Variants in NCAPG observed in about 807,000 individuals in gnomAD.
The protein encoded by NCAPG is non-SMC condensin I complex subunit G.
In NCAPG, 69 loss-of-function variants were observed where a neutral mutation model predicts 113.1. That is an observed-to-expected ratio of 0.61 (90% CI 0.50 to 0.75). NCAPG has a LOEUF of 0.75. Among genes scored for constraint, NCAPG ranks in the 30% least tolerant of loss-of-function variants. NCAPG has a pLI of 0.00. For missense variants in NCAPG, 1,058 were observed against 1,177.0 expected (o/e 0.90, Z 1.48); for synonymous variants, 370 against 415.8 (o/e 0.89, Z 1.34).
chr4:17,842,374 T>C lies in NCAPG; in HGVS notation c.2919T>C (p.Ser973=). ...NRRCQTAEAD[S]ESDHEVPEPE... is the part of the protein sequence containing the mutation. ...GGTGTCAGACTGCTGAAGCCGACTCTGAAAGGTATGTCATGCATGTCTAGA... is the reference window on the plus strand; with the variant it reads ...GGTGTCAGACTGCTGAAGCCGACTCCGAAAGGTATGTCATGCATGTCTAGA... The change falls in exon 20 of 21, where the codon TCT becomes TCC. Residue 973 remains serine, a synonymous_variant. Coordinates refer to ENST00000251496, the MANE Select transcript of NCAPG (RefSeq NM_022346.5). 6.2e-7 allele frequency: 1 copy of C among 1,611,684 alleles called. No homozygotes were observed. The highest frequency in any genetic ancestry group is 2.2e-5 in the East Asian group (1 of 44,816).
In NCAPG at chr4:17,842,757, G is replaced by A. The variant is rs73802706; in HGVS notation, c.2924+378G>A. 8.1e-3 allele frequency: 1,406 copies of A among 174,490 alleles called. 24 individuals are homozygous for A. The highest frequency in any genetic ancestry group is 0.031 in the African/African-American group (1,293 of 41,706). 10.8% of individuals were successfully genotyped at this position (174,490 alleles called of 1,614,324 possible). A position where few individuals can be genotyped will look rare whatever the true frequency, so the allele number is the denominator to read the frequency against. ...TAATTTGGGTATATTGTGTGGTAGA[G>A]TGTTTTATTTTTGGCTTCTGTCAGT... On this transcript the variant is annotated intron_variant, in intron 20 of 20. Coordinates refer to ENST00000251496, the MANE Select transcript of NCAPG (RefSeq NM_022346.5).
At chr4:17,834,014 T>G (rs886869206) in intron 13 of NCAPG, among the ~76,000 whole-genome samples, 3 of 152,200 alleles carry the variant, frequency 2.0e-5, no homozygotes, top group African/African-American at 7.2e-5. Context: ...GAACAAATAA[T>G]ATAATTCAGC....
Position 17,843,356 on chromosome 4 carries a change from A to C in NCAPG, c.2979A>C (p.Arg993=). 6.2e-7 allele frequency: 1 copy of C among 1,612,288 alleles called. No homozygotes were observed. Among genetic ancestry groups the C allele is most frequent in the Non-Finnish European group, 8.5e-7 (1 of 1,178,496 alleles). The change falls in exon 21 of 21, where the codon CGA becomes CGC. Residue 993 remains arginine (R), a synonymous_variant. Coordinates refer to ENST00000251496, the MANE Select transcript of NCAPG (RefSeq NM_022346.5). The part of the protein sequence containing the change: ...ESEMKMRLPR[R]AKTAALEKSK... ...AAATGAAGATGAGACTACCAAGACGAGCCAAAACCGCAGCACTAGAAAAAA... is the reference window on the plus strand; with the variant it reads ...AAATGAAGATGAGACTACCAAGACGCGCCAAAACCGCAGCACTAGAAAAAA...
intron 12 of NCAPG, among the ~76,000 whole-genome samples, chr4:17,829,598 A>T (rs1008302398): frequency 6.6e-6 from 1 of 152,246 alleles, no homozygotes; most frequent in African/African-American, 2.4e-5. Context: ...AATGATCATA[A>T]TGATTTTAAA....
chr4:17,838,670 T>C (rs1722200622), intron 16 of NCAPG, among the ~76,000 whole-genome samples: 1 of 152,168 alleles, frequency 6.6e-6, no homozygotes, highest in African/African-American at 2.4e-5. Flanking sequence ...TGTAGAAAGA[T>C]GACTTTGGCT....
At chr4:17,840,283 T>C in intron 18 of NCAPG, 74 bp downstream of exon 18, 1 of 1,421,114 alleles carries the variant, frequency 7.0e-7, no homozygotes, top group Non-Finnish European at 9.3e-7. Flanking sequence ...CATATTTTTT[T>C]CTACTCTAAC....
chr4:17,840,133 A>C lies in NCAPG; in HGVS notation c.2691A>C (p.Gly897=). The C allele has an allele frequency of 6.2e-7, 1 of 1,612,382 alleles. No individual in the cohort carries two copies. Reference sequence around the variant, plus strand: ...AAATCAAGATTCAGTTAGAAAAAGGAAATAAAGAATTTGGTGACCAAGCTG... The same window carrying C: ...AAATCAAGATTCAGTTAGAAAAAGGCAATAAAGAATTTGGTGACCAAGCTG... The part of the protein sequence containing the change: ...LEKIKIQLEK[G]NKEFGDQAEA... Residue 897 remains glycine, a synonymous_variant, in exon 18 of 21, where the codon GGA becomes GGC. Coordinates refer to ENST00000251496, the MANE Select transcript of NCAPG (RefSeq NM_022346.5).
intron 11 of NCAPG, among the ~76,000 whole-genome samples, chr4:17,825,941 T>G (rs1020144058): frequency 6.6e-6 from 1 of 152,102 alleles, no homozygotes; most frequent in African/African-American, 2.4e-5. Flanking sequence ...CCTTTCTTTT[T>G]TATTGCTAGC....
intron 12 of NCAPG, among the ~76,000 whole-genome samples, chr4:17,828,994 GTAT>G (rs939347814): frequency 1.8e-4 from 27 of 149,468 alleles, no homozygotes; most frequent in African/African-American, 6.4e-4. Context: ...ATATCCAACT[GTAT>G]TATTTGGATA....
chr4:17,825,186 A>T lies in NCAPG; in HGVS notation c.1473+129A>T. The T allele has an allele frequency of 9.9e-6, 8 of 806,110 alleles. No individual in the cohort carries two copies. In the South Asian group the frequency reaches 1.5e-4, roughly 15 times the overall value. The allele number at this position is 806,110 out of a possible 1,614,324, so 49.9% of individuals were successfully genotyped here. A position where few individuals can be genotyped will look rare whatever the true frequency, so the allele number is the denominator to read the frequency against. On this transcript the variant is annotated intron_variant, in intron 10 of 20. Transcript: ENST00000251496. ...ATTATTGTTTAATTGTTAAACTATAAGAATATTTAAAATGTTACCACATAT... is the reference window on the plus strand; with the variant it reads ...ATTATTGTTTAATTGTTAAACTATATGAATATTTAAAATGTTACCACATAT...
chr4:17,823,346 T>G (rs1177951637), intron 8 of NCAPG, among the ~76,000 whole-genome samples: 2 of 152,188 alleles, frequency 1.3e-5, no homozygotes, highest in African/African-American at 4.8e-5. Context: ...TGGTTAAAAG[T>G]TTCTGTTTAG....
At chr4:17,828,232 T>C (rs1275458929) in intron 11 of NCAPG, 46 bp from the exon 12 acceptor site, 1 of 1,355,704 alleles carries the variant, frequency 7.4e-7, no homozygotes, top group East Asian at 2.4e-5. Context: ...ATTTAAAGGA[T>C]GGGGAGAAGA....
In NCAPG at chr4:17,811,836, A is replaced by C. The variant is rs1046197226; in HGVS notation, c.112-385A>C. 2.6e-5 allele frequency among the ~76,000 whole-genome samples: 4 copies of C among 152,218 alleles called. No homozygotes were observed. The highest frequency in any genetic ancestry group is 9.6e-5 in the African/African-American group (4 of 41,454). On this transcript the variant is annotated intron_variant, in intron 1 of 20. Transcript: ENST00000251496. This position sits in a 1 kb window ranked among gnomAD's most constrained non-coding sequence, Gnocchi z 5.3. ...TTGAGGATATGAGATAGGATGTGCA[A>C]GTTATCTCATAAAGAAACTGCTGGT...
rs750943215 is a variant in NCAPG, at chr4:17,837,056, G to A, written c.2110-103G>A. On this transcript the variant is annotated intron_variant, in intron 14 of 20. Coordinates refer to ENST00000251496, the MANE Select transcript of NCAPG (RefSeq NM_022346.5). ...TAAAGAATTTGTAATAACTCGAATGGTTTTTGGATGGTTCGTGTAAAAATA... is the reference window on the plus strand; with the variant it reads ...TAAAGAATTTGTAATAACTCGAATGATTTTTGGATGGTTCGTGTAAAAATA... 2.6e-4 allele frequency: 258 copies of A among 983,064 alleles called. 1 individual carries two copies. The Middle Eastern group carries it at 4.6e-3, about 17-fold the overall frequency. 60.9% of individuals were successfully genotyped at this position (983,064 alleles called of 1,614,324 possible). A position where few individuals can be genotyped will look rare whatever the true frequency, so the allele number is the denominator to read the frequency against.
chr4:17,813,060 T>C lies in NCAPG; in HGVS notation c.459T>C (p.Asp153=). 2 of 1,614,076 alleles carry C rather than the reference T, an allele frequency of 1.2e-6. No individual in the cohort carries two copies. Among genetic ancestry groups the C allele is most frequent in the Non-Finnish European group, 8.5e-7 (1 of 1,179,940 alleles). The change falls in exon 3 of 21, where the codon GAT becomes GAC. Residue 153 remains aspartate, a synonymous_variant. Transcript: ENST00000251496. ...AAGCCATGCTTATTAGATTGAAAGA[T>C]AAGATTCCAAATGTGAGAATACAGG... The part of the protein sequence containing the change: ...INKAMLIRLK[D]KIPNVRIQAV...
chr4:17,816,637 T>C (rs1463526827), intron 5 of NCAPG, among the ~76,000 whole-genome samples: 2 of 152,182 alleles, frequency 1.3e-5, no homozygotes, highest in African/African-American at 2.4e-5. Context: ...AATCGTGTAA[T>C]AGATAAAATC....
In NCAPG at chr4:17,813,149, T is replaced by G; in HGVS notation, c.544+4T>G. ...GATGAATGCCCAGTGGTTAATGGTGTGTGTAGTTTCCTAAATCTTTTTTCA... is the reference window on the plus strand; with the variant it reads ...GATGAATGCCCAGTGGTTAATGGTGGGTGTAGTTTCCTAAATCTTTTTTCA... On this transcript the variant is annotated splice_donor_region_variant and intron_variant, in intron 3 of 20. Transcript: ENST00000251496. 1 of 1,581,766 alleles carries G rather than the reference T, an allele frequency of 6.3e-7. No homozygotes were observed. The highest frequency in any genetic ancestry group is 8.6e-7 in the Non-Finnish European group (1 of 1,168,152).
Position 17,837,737 on chromosome 4 carries a change from T to TCA in NCAPG, c.2402_2403insCA (p.Leu801PhefsTer4). 4 of 1,614,012 alleles carry TCA rather than the reference T, an allele frequency of 2.5e-6. No homozygotes were observed. Among genetic ancestry groups the TCA allele is most frequent in the Non-Finnish European group, 3.4e-6 (4 of 1,179,904 alleles). Reference sequence around the variant, plus strand: ...ATTGATATCACAAATGTTGCTGAGTTACTTGTAGATTTGACAAGACCAAGT... The same window carrying TCA: ...ATTGATATCACAAATGTTGCTGAGTTCAACTTGTAGATTTGACAAGACCAAGT... On this transcript the variant is annotated frameshift_variant, in exon 16 of 21. Coordinates refer to ENST00000251496, the MANE Select transcript of NCAPG (RefSeq NM_022346.5). LOFTEE classifies it high-confidence loss of function.
intron 17 of NCAPG, 34 bp downstream of exon 17, chr4:17,839,871 G>A: frequency 6.4e-7 from 1 of 1,553,946 alleles, no homozygotes; most frequent in South Asian, 1.2e-5. Flanking sequence ...AAATTAGTTT[G>A]TGTTTATATT....
Sources: gnomAD v4.1 joint callset for allele counts (sites outside exome capture counted in the v4.1 genomes callset) on GRCh38, gnomAD v4.1.1 for gene constraint, Gnocchi (gnomAD v3.1) non-coding constraint, MANE v1.5 for transcripts, NCBI Gene and HGNC (gene_info 2026-07-23, HGNC 2026-07-21) for gene names.